RTL9: variants seen among roughly 807,000 people sequenced by gnomAD.
RTL9 encodes retrotransposon Gag-like protein 9.
In RTL9, 19 loss-of-function variants were observed where a neutral mutation model predicts 44.7. That is an observed-to-expected ratio of 0.42 (90% CI 0.30 to 0.62). RTL9 has a LOEUF of 0.62. Ranked by LOEUF, RTL9 falls within the 20% of genes least tolerant of loss-of-function variation. RTL9 has a pLI of 0.16. For missense variants in RTL9, 1,105 were observed against 1,080.6 expected (o/e 1.02, Z -0.32); for synonymous variants, 407 against 398.9 (o/e 1.02, Z -0.24).
At chrX:110,423,079 G>A (rs1017899706) in intron 1 of RTL9, among the ~76,000 whole-genome samples, 12 of 112,169 alleles carry the variant, frequency 1.1e-4, no homozygotes, top group Non-Finnish European at 2.1e-4. Flanking sequence ...TGTAATCCCA[G>A]CACTTTGGGT....
intron 1 of RTL9, among the ~76,000 whole-genome samples, chrX:110,438,472 A>C (rs990739509): frequency 9.0e-6 from 1 of 111,570 alleles, no homozygotes. Context: ...TTTGATCAAA[A>C]GTCTTCCAGA....
In RTL9 at chrX:110,450,975, G is replaced by A. The variant is rs766614751; in HGVS notation, c.358G>A (p.Ala120Thr). ...GGCACTGTCCCCATTGCTAATGCCA[G>A]CCTTAGATTCTGGAACATTGTCCCC... Residue 120 changes from alanine (A) to threonine (T), a missense_variant, in exon 1 of 2, where the codon GCC becomes ACC. By Grantham distance (58) the Ala-to-Thr change is moderately conservative. Coordinates refer to ENST00000540313, the Ensembl canonical transcript of RTL9. The A allele has an allele frequency of 2.8e-5, 34 of 1,211,923 alleles. No homozygotes were observed. The South Asian group carries it at 5.4e-4, about 19-fold the overall frequency.
chrX:110,367,172 C>A (rs1327970466), intron 1 of RTL9, among the ~76,000 whole-genome samples: 2 of 111,939 alleles, frequency 1.8e-5, no homozygotes, highest in Non-Finnish European at 3.8e-5. Flanking sequence ...TTCACTCTTC[C>A]CTCATGGCAT....
At chrX:110,379,856 T>C (rs768968612) in intron 1 of RTL9, among the ~76,000 whole-genome samples, 2 of 112,465 alleles carry the variant, frequency 1.8e-5, no homozygotes, top group African/African-American at 6.4e-5. Flanking sequence ...TAATAACTTA[T>C]TGAGCATCTA....
At chrX:110,391,198 G>A (rs1392755749) in intron 1 of RTL9, among the ~76,000 whole-genome samples, 1 of 111,337 alleles carries the variant, frequency 9.0e-6, no homozygotes, top group Non-Finnish European at 1.9e-5. Context: ...AAATCCCCTT[G>A]TTTGGTTTTC....
intron 1 of RTL9, among the ~76,000 whole-genome samples, chrX:110,369,165 T>C (rs1450901164): frequency 2.7e-5 from 3 of 110,887 alleles, no homozygotes; most frequent in African/African-American, 9.9e-5. Context: ...ACCCCGTCTC[T>C]ACTAAAAATA....
intron 1 of RTL9, among the ~76,000 whole-genome samples, chrX:110,408,308 G>C (rs2068616882): frequency 8.9e-6 from 1 of 111,894 alleles, no homozygotes; most frequent in Admixed American, 9.4e-5. Flanking sequence ...TGACTAGACT[G>C]GTGGCTCTCA....
At chrX:110,377,024 A>G (rs2068381595) in intron 1 of RTL9, among the ~76,000 whole-genome samples, 2 of 111,812 alleles carry the variant, frequency 1.8e-5, no homozygotes, top group Non-Finnish European at 3.8e-5. Flanking sequence ...GCACTGCAGT[A>G]GTGGTAGGCA....
chrX:110,443,909 A>T (rs1252424822), intron 1 of RTL9, among the ~76,000 whole-genome samples: 1 of 112,416 alleles, frequency 8.9e-6, no homozygotes, highest in African/African-American at 3.2e-5. Flanking sequence ...GAATTTGTGT[A>T]AGAATCCTGT....
chrX:110,414,150 C>T (rs896428621), upstream of RTL9, among the ~76,000 whole-genome samples: 1 of 112,453 alleles, frequency 8.9e-6, no homozygotes, highest in Non-Finnish European at 1.9e-5. Context: ...CAGTTTCCTC[C>T]TCTGTGCTTA....
At chrX:110,364,812 T>C (rs995278180) in intron 1 of RTL9, among the ~76,000 whole-genome samples, 3 of 112,194 alleles carry the variant, frequency 2.7e-5, no homozygotes, top group Non-Finnish European at 5.6e-5. Context: ...TACCGAAGAA[T>C]GTCTAATCAT....
intron 1 of RTL9, among the ~76,000 whole-genome samples, chrX:110,361,415 T>C (rs2068262650): frequency 9.0e-6 from 1 of 111,534 alleles, no homozygotes; most frequent in South Asian, 3.8e-4. Flanking sequence ...CTTGCCACCA[T>C]CACTCAAGCC....
At chrX:110,405,360 C>T (rs1227552160) in intron 1 of RTL9, among the ~76,000 whole-genome samples, 2 of 111,391 alleles carry the variant, frequency 1.8e-5, no homozygotes, top group Non-Finnish European at 3.8e-5. Flanking sequence ...CCCTTCTGAG[C>T]AAATGGGTAG....
intron 1 of RTL9, among the ~76,000 whole-genome samples, chrX:110,431,713 G>A (rs891167873): frequency 1.8e-5 from 2 of 111,733 alleles, no homozygotes; most frequent in African/African-American, 6.5e-5. Flanking sequence ...CTGCTGGGGC[G>A]CATACAGCAG....
chrX:110,400,655 G>C (rs1387700852), intron 1 of RTL9, among the ~76,000 whole-genome samples: 1 of 111,329 alleles, frequency 9.0e-6, no homozygotes, highest in Non-Finnish European at 1.9e-5. Context: ...AACAATTGCT[G>C]CTTGTCTCGC....
chrX:110,416,765 C>T (rs2148315754), upstream of RTL9, among the ~76,000 whole-genome samples: 1 of 112,144 alleles, frequency 8.9e-6, no homozygotes, highest in South Asian at 3.8e-4. Context: ...AGGGTGAAAA[C>T]ATACTCCTGT....
intron 1 of RTL9, among the ~76,000 whole-genome samples, chrX:110,429,023 G>C: frequency 9.0e-6 from 1 of 111,562 alleles, no homozygotes. Context: ...CTTTTGTCAG[G>C]CTGTTCCATC....
chrX:110,374,929 T>C (rs1055619422), intron 1 of RTL9, among the ~76,000 whole-genome samples: 7 of 110,986 alleles, frequency 6.3e-5, no homozygotes, highest in Non-Finnish European at 1.3e-4. Flanking sequence ...CAATTGGAAG[T>C]CCCTTCAGCC....
chrX:110,453,285 C>G (rs1031379926), exon 1 of RTL9: 1 of 1,210,059 alleles, frequency 8.3e-7, no homozygotes, highest in Non-Finnish European at 1.1e-6. Context: ...ACTACCAGTG[C>G]GAGCCCCAGC....
Sources: allele counts gnomAD v4.1 joint callset (sites outside exome capture counted in the v4.1 genomes callset), GRCh38; gene constraint gnomAD v4.1.1; transcripts MANE v1.5; gene names NCBI Gene and HGNC (gene_info 2026-07-23, HGNC 2026-07-21).